DCBLD2: variants seen among roughly 807,000 people sequenced by gnomAD.
DCBLD2 encodes the protein discoidin, CUB and LCCL domain-containing protein 2.
DCBLD2 carries 54 observed loss-of-function variants against 86.8 expected under a neutral mutation model. That is an observed-to-expected ratio of 0.62 (90% CI 0.50 to 0.78). The LOEUF is 0.78. DCBLD2 is among the 30% of genes least tolerant of loss of function. The pLI, the probability that DCBLD2 is intolerant of heterozygous loss-of-function variation, is 0.00. For synonymous variants in DCBLD2, 354 were observed against 341.3 expected (o/e 1.04, Z -0.41); for missense variants, 908 against 954.2 (o/e 0.95, Z 0.64).
In DCBLD2 at chr3:98,797,036, T is replaced by TAAAAAAA. The variant is rs56369137; in HGVS notation, c.*2329_*2335dup. The stretch of plus-strand genomic sequence containing the variant: ...ATATGTATCAGACATATAAATGTAG[T>TAAAAAAA]AAAAAAAAAAAAAAAAAAAATAGAA... On this transcript the variant is annotated 3_prime_UTR_variant, in exon 16 of 16. Transcript: ENST00000326840. The TAAAAAAA allele has an allele frequency of 7.5e-6, 1 of 133,386 alleles. No individual in the cohort carries two copies. Among genetic ancestry groups the TAAAAAAA allele is most frequent in the Non-Finnish European group, 1.6e-5 (1 of 62,668 alleles). The allele number at this position is 133,386 out of a possible 1,614,324, so 8.3% of individuals were successfully genotyped here.
chr3:98,817,779 T>C lies in DCBLD2; in HGVS notation c.1202A>G (p.Glu401Gly). ...KWTVYREPGV[E>G]QDKIFQGNKD... ...TGGTAATCATTTTACCTTATCTTGC[T>C]CCACACCAGGCTCTCTGTACACAGT... Residue 401 changes from glutamate (E) to glycine (G), a missense_variant, in exon 9 of 16, where the codon GAG becomes GGG. Physicochemically the swap from Glu to Gly is moderately conservative, Grantham distance 98. This residue lies in a region of DCBLD2 where 606 missense variants were observed against 678.5 expected (regional missense o/e 0.89). Coordinates refer to ENST00000326840, the MANE Select transcript of DCBLD2 (RefSeq NM_080927.4). The C allele has an allele frequency of 6.2e-7, 1 of 1,613,486 alleles. No homozygotes were observed. Among genetic ancestry groups the C allele is most frequent in the Non-Finnish European group, 8.5e-7 (1 of 1,179,602 alleles).
intron 10 of DCBLD2, among the ~76,000 whole-genome samples, chr3:98,811,919 T>C (rs145915965): frequency 4.4e-4 from 67 of 152,334 alleles, no homozygotes; most frequent in African/African-American, 1.5e-3. Context: ...GGCACTGTGG[T>C]AGCCTTTGGG....
chr3:98,816,069 C>G (rs1942017318), intron 9 of DCBLD2: 1 of 150,160 alleles, frequency 6.7e-6, no homozygotes, highest in African/African-American at 2.4e-5. Context: ...TATAAAAAAG[C>G]CACATCAATC....
In DCBLD2 at chr3:98,847,867, G is replaced by A. The variant is rs1942756585; in HGVS notation, c.571+1594C>T. 6.6e-5 allele frequency among the ~76,000 whole-genome samples: 10 copies of A among 152,268 alleles called. No homozygotes were observed. The South Asian group carries it at 2.1e-3, about 32-fold the overall frequency. ...TCATGGTACCCCTATATAGCAGGGG[G>A]AAATGAACACATCCCACAGCAGCTA... On this transcript the variant is annotated intron_variant, in intron 3 of 15. Transcript: ENST00000326840.
rs970828443 is a variant in DCBLD2, at chr3:98,819,320, C to T, written c.969G>A (p.Glu323=). The T allele has an allele frequency of 3.1e-6, 5 of 1,613,834 alleles. No individual in the cohort carries two copies. The East Asian group carries it at 8.9e-5, about 29-fold the overall frequency. The change falls in exon 8 of 16, where the codon GAG becomes GAA. Residue 323 remains glutamate (E), a synonymous_variant. Transcript: ENST00000326840. ...VLEWTDHTGQ[E]NSWKPKKARL... ...TGGCTTTTTTGGGTTTCCAACTGTT[C>T]TCTTGCCCTGTGTGGTCAGTCCACT...
In DCBLD2 at chr3:98,796,103, T is replaced by C. The variant is rs1453533801; in HGVS notation, c.*3269A>G. Reference sequence around the variant, plus strand: ...TTTTACAATCTAAATTCTAGCAACATATACAAATACTGAGTGACTACAGTA... The same window carrying C: ...TTTTACAATCTAAATTCTAGCAACACATACAAATACTGAGTGACTACAGTA... On this transcript the variant is annotated 3_prime_UTR_variant, in exon 16 of 16. Coordinates refer to ENST00000326840, the MANE Select transcript of DCBLD2 (RefSeq NM_080927.4). 6.6e-6 allele frequency: 1 copy of C among 152,640 alleles called. No homozygotes were observed. The highest frequency in any genetic ancestry group is 1.5e-5 in the Non-Finnish European group (1 of 68,038). The allele number at this position is 152,640 out of a possible 1,614,324, so 9.5% of individuals were successfully genotyped here. A position where few individuals can be genotyped will look rare whatever the true frequency, so the allele number is the denominator to read the frequency against.
chr3:98,883,938 T>C (rs2119188), intron 1 of DCBLD2, among the ~76,000 whole-genome samples: 54,493 of 152,002 alleles, frequency 0.36, 9,895 homozygotes, highest in Non-Finnish European at 0.38. Context: ...AAGAATTTCA[T>C]GTAGTTTTTA....
chr3:98,801,291 T>A (rs962616059), intron 14 of DCBLD2: 2 of 342,160 alleles, frequency 5.8e-6, no homozygotes, highest in African/African-American at 4.2e-5. Flanking sequence ...TCTTACTCAG[T>A]GTTCACGTGG....
At chr3:98,835,643 G>A (rs1246469129) in intron 3 of DCBLD2, among the ~76,000 whole-genome samples, 3 of 146,624 alleles carry the variant, frequency 2.0e-5, no homozygotes, top group African/African-American at 2.5e-5. Flanking sequence ...TCTGCCTCCC[G>A]GATTCAAGCG....
intron 2 of DCBLD2, among the ~76,000 whole-genome samples, chr3:98,864,411 T>C (rs1196259121): frequency 1.3e-5 from 2 of 152,204 alleles, no homozygotes; most frequent in African/African-American, 4.8e-5. Flanking sequence ...GCATGTATGT[T>C]TATTGTGGCA....
intron 14 of DCBLD2, 137 bp from the exon 15 acceptor site, chr3:98,800,853 CT>C (rs11374885): frequency 0.1 from 82,543 of 808,280 alleles, no homozygotes; most frequent in East Asian, 0.18. Context: ...TATAATCCAA[CT>C]TTTTTTTTTT....
chr3:98,807,836 T>G lies in DCBLD2; in HGVS notation c.1670+245A>C, dbSNP rs1460109181. ...AAATGTAACTATCATGTGTCAGAAA[T>G]TGTTCATATTAATGTACATATCCCA... On this transcript the variant is annotated intron_variant, in intron 13 of 15. Coordinates refer to ENST00000326840, the MANE Select transcript of DCBLD2 (RefSeq NM_080927.4). 6.8e-5 allele frequency: 17 copies of G among 251,678 alleles called. 1 individual carries two copies. The highest frequency in any genetic ancestry group is 1.5e-5 in the Non-Finnish European group (2 of 132,344). The allele number at this position is 251,678 out of a possible 1,614,324, so 15.6% of individuals were successfully genotyped here.
In DCBLD2 at chr3:98,797,366, C is replaced by G. The variant is rs1941628010; in HGVS notation, c.*2006G>C. On this transcript the variant is annotated 3_prime_UTR_variant, in exon 16 of 16. Transcript: ENST00000326840. ...ACACAATTAACACAAGAATAGCAAA[C>G]TTCTTTGGGAAAATGAAATAGTTAC... 6.6e-6 allele frequency: 1 copy of G among 151,980 alleles called. No homozygotes were observed. Among genetic ancestry groups the G allele is most frequent in the Non-Finnish European group, 1.5e-5 (1 of 67,892 alleles). The allele number at this position is 151,980 out of a possible 1,614,324, so 9.4% of individuals were successfully genotyped here.
intron 1 of DCBLD2, among the ~76,000 whole-genome samples, chr3:98,899,129 T>C (rs901023345): frequency 2.0e-5 from 3 of 152,040 alleles, no homozygotes; most frequent in Non-Finnish European, 2.9e-5. Flanking sequence ...TCTATTTATG[T>C]TGATGTTTAC....
intron 1 of DCBLD2, among the ~76,000 whole-genome samples, chr3:98,892,731 C>T (rs916706764): frequency 1.3e-5 from 2 of 152,090 alleles, no homozygotes; most frequent in Non-Finnish European, 2.9e-5. Context: ...GATTTCTGTT[C>T]TCTATAACCT....
chr3:98,848,130 C>T (rs1031589348), intron 3 of DCBLD2, among the ~76,000 whole-genome samples: 2 of 152,106 alleles, frequency 1.3e-5, no homozygotes, highest in African/African-American at 4.8e-5. Flanking sequence ...CCACCTCCCA[C>T]CCTCCCAAAA....
At chr3:98,858,800 A>AT (rs1942984544) in intron 2 of DCBLD2, among the ~76,000 whole-genome samples, 1 of 152,206 alleles carries the variant, frequency 6.6e-6, no homozygotes, top group South Asian at 2.1e-4. Flanking sequence ...TAGCCAACAG[A>AT]TATATGAAAA....
intron 1 of DCBLD2, among the ~76,000 whole-genome samples, chr3:98,900,259 T>C (rs1221872523): frequency 1.3e-5 from 2 of 152,134 alleles, no homozygotes; most frequent in East Asian, 3.9e-4. Flanking sequence ...TAAGTAACAA[T>C]CCAATCCTTA....
At chr3:98,894,871 A>C (rs921741605) in intron 1 of DCBLD2, among the ~76,000 whole-genome samples, 1 of 152,146 alleles carries the variant, frequency 6.6e-6, no homozygotes, top group Non-Finnish European at 1.5e-5. Context: ...AAGAAAATGA[A>C]TAAAACTCTC....
Sources: allele counts gnomAD v4.1 joint callset (sites outside exome capture counted in the v4.1 genomes callset), GRCh38; gene constraint gnomAD v4.1.1; regional missense constraint gnomAD v4.1.1; transcripts MANE v1.5; gene names NCBI Gene and HGNC (gene_info 2026-07-23, HGNC 2026-07-21).